The following LCTL variants were observed in gnomAD, a reference collection of about 807,000 sequenced individuals.
LCTL encodes lactase-like protein.
Under a neutral mutation model 75.8 loss-of-function variants are expected in LCTL, and 76 were observed. That is an observed-to-expected ratio of 1.00 (90% confidence interval 0.83 to 1.21). LCTL has a LOEUF of 1.21. Ranked by LOEUF, LCTL falls within the 50% of genes most tolerant of loss-of-function variation. The pLI is 0.00. For synonymous variants in LCTL, 271 were observed against 268.8 expected (o/e 1.01, Z -0.08); for missense variants, 670 against 712.4 (o/e 0.94, Z 0.68).
rs748321648 is a variant in LCTL at position 66,553,083 on chromosome 15, A to G, written c.1098T>C (p.Arg366=). 6.2e-6 allele frequency: 10 copies of G among 1,609,172 alleles called. No homozygotes were observed. The Admixed American group carries it at 1.7e-4, about 27-fold the overall frequency. Residue 366 remains arginine (R), a synonymous_variant, in exon 9 of 13, where the codon CGT becomes CGC. Coordinates refer to ENST00000341509, the Ensembl canonical transcript of LCTL. Reference sequence around the variant, plus strand: ...TTGGGTCAACCAGCTCTATCAAGTCACGATCGTTCTGGTAGCTGGGCCCCT... The same window carrying G: ...TTGGGTCAACCAGCTCTATCAAGTCGCGATCGTTCTGGTAGCTGGGCCCCT...
chr15:66,563,864 G>T, intron 3 of LCTL, 47 bp downstream of exon 4: 1 of 1,463,472 alleles, frequency 6.8e-7, no homozygotes, highest in Non-Finnish European at 9.6e-7. Context: ...AGCCAACATT[G>T]CCGGAAGGGG....
intron 2 of LCTL, 45 bp from the exon 4 acceptor site, chr15:66,564,043 A>G (rs376638868): frequency 9.1e-6 from 12 of 1,319,910 alleles, no homozygotes; most frequent in Non-Finnish European, 9.9e-6. Context: ...GGCCCTGGGT[A>G]TGGGAGGTAG....
chr15:66,553,146 A>C, exon 9 of LCTL: 1 of 1,611,970 alleles, frequency 6.2e-7, no homozygotes, highest in Non-Finnish European at 8.5e-7. Context: ...TGTACCGAGT[A>C]GTAAAATGAC....
intron 6 of LCTL, among the ~76,000 whole-genome samples, chr15:66,559,800 C>T (rs951278374): frequency 6.6e-6 from 1 of 152,140 alleles, no homozygotes; most frequent in African/African-American, 2.4e-5. Flanking sequence ...TTAAAAATAT[C>T]TTGAGGCGGG....
chr15:66,552,163 A>G (rs746309015), exon 10 of LCTL: 2 of 1,609,766 alleles, frequency 1.2e-6, no homozygotes, highest in Non-Finnish European at 1.7e-6. Flanking sequence ...GGATCACCGT[A>G]TTGAGTCTGA....
exon 8 of LCTL, chr15:66,557,725 T>C: frequency 6.2e-7 from 1 of 1,613,906 alleles, no homozygotes; most frequent in Non-Finnish European, 8.5e-7. Context: ...GGCTCACCAA[T>C]GTAGTCCTTC....
chr15:66,552,689 A>AAAC, intron 9 of LCTL, among the ~76,000 whole-genome samples: 1 of 139,180 alleles, frequency 7.2e-6, no homozygotes, highest in African/African-American at 2.5e-5. Flanking sequence ...AAAAAAAAAA[A>AAAC]CATTGTTGGA....
chr15:66,558,087 C>T (rs527481168), intron 6 of LCTL, 51 bp from the exon 8 acceptor site: 1 of 1,495,548 alleles, frequency 6.7e-7, no homozygotes, highest in African/African-American at 1.4e-5. Context: ...TCCATTTCCT[C>T]CCTTTCAATC....
At chr15:66,561,229 A>G in exon 5 of LCTL, 1 of 1,614,248 alleles carries the variant, frequency 6.2e-7, no homozygotes. Flanking sequence ...CACGGTCCCC[A>G]AAGGCCTCAA....
chr15:66,558,922 C>G (rs1895812769), intron 6 of LCTL, among the ~76,000 whole-genome samples: 1 of 151,708 alleles, frequency 6.6e-6, no homozygotes, highest in Non-Finnish European at 1.5e-5. Flanking sequence ...TCTCGAACTC[C>G]AGACCTCAAG....
chr15:66,561,175 G>C lies in LCTL; in HGVS notation c.609+12C>G, dbSNP rs1273904334. ...AGTGTCACATTCTCCCACCTGGAGGGGCCCTGCTTACCCGAGGATCACTGA... is the reference window on the plus strand; with the variant it reads ...AGTGTCACATTCTCCCACCTGGAGGCGCCCTGCTTACCCGAGGATCACTGA... On this transcript the variant is annotated intron_variant, in intron 5 of 12. Coordinates refer to ENST00000341509, the Ensembl canonical transcript of LCTL. 1 of 1,614,042 alleles carries C rather than the reference G, an allele frequency of 6.2e-7. No individual in the cohort carries two copies. The highest frequency in any genetic ancestry group is 8.5e-7 in the Non-Finnish European group (1 of 1,180,018).
chr15:66,563,944 A>G (rs1293668511), exon 3 of LCTL: 1 of 1,614,146 alleles, frequency 6.2e-7, no homozygotes, highest in East Asian at 2.2e-5. Context: ...CGGGGCCAAG[A>G]CAGGGAGAAT....
intron 8 of LCTL, among the ~76,000 whole-genome samples, chr15:66,553,754 C>CA (rs35718768): frequency 0.053 from 3,831 of 72,836 alleles, 139 homozygotes; most frequent in East Asian, 0.13. Context: ...GACTCCATCT[C>CA]AAAAAAAAAA....
chr15:66,554,040 C>G (rs759210663), intron 8 of LCTL, among the ~76,000 whole-genome samples: 8 of 152,024 alleles, frequency 5.3e-5, no homozygotes, highest in Non-Finnish European at 8.8e-5. Flanking sequence ...ACCTGTAATT[C>G]CAGCACTTTG....
rs374950522 is a variant in LCTL, at chr15:66,557,889, A to C, written c.761-6T>G. 8.7e-6 allele frequency: 14 copies of C among 1,613,220 alleles called. No individual in the cohort carries two copies. In the African/African-American group the frequency reaches 1.9e-4, roughly 22 times the overall value. On this transcript the variant is annotated splice_region_variant and splice_polypyrimidine_tract_variant and intron_variant, in intron 7 of 12. Coordinates refer to ENST00000341509, the Ensembl canonical transcript of LCTL. ...CAATGAAATTCCCACCAGACCTTAA[A>C]AGAAAAGAAAGAAAAGGGAGTGGGG...
intron 4 of LCTL, among the ~76,000 whole-genome samples, chr15:66,562,453 A>G (rs923291198): frequency 6.6e-6 from 1 of 152,046 alleles, no homozygotes; most frequent in Non-Finnish European, 1.5e-5. Flanking sequence ...TCACAGTGAC[A>G]TAGTGACGTT....
intron 6 of LCTL, among the ~76,000 whole-genome samples, chr15:66,559,959 C>T (rs1299779080): frequency 1.3e-5 from 2 of 150,982 alleles, no homozygotes; most frequent in African/African-American, 2.4e-5. Context: ...TGGTGGTGCA[C>T]GCCTGTAGTC....
intron 8 of LCTL, 131 bp from the exon 10 acceptor site, chr15:66,553,389 C>T (rs1895660651): frequency 2.8e-6 from 2 of 710,844 alleles, no homozygotes; most frequent in African/African-American, 1.8e-5. Flanking sequence ...GAAGTATAAC[C>T]TTAGCCATCC....
chr15:66,551,820 AC>A lies in LCTL; in HGVS notation c.1365del (p.Trp455CysfsTer79). On this transcript the variant is annotated frameshift_variant, in exon 11 of 13. Coordinates refer to ENST00000341509, the Ensembl canonical transcript of LCTL. LOFTEE classifies it high-confidence loss of function. ...TCCCATTCAAACTTATCCAACAGAG[AC>A]CAGGAAGTATACCCCTTTATATTAG... 2 of 1,613,894 alleles carry A rather than the reference AC, an allele frequency of 1.2e-6. No homozygotes were observed. Among genetic ancestry groups the A allele is most frequent in the Non-Finnish European group, 1.7e-6 (2 of 1,179,826 alleles).
Sources: allele counts gnomAD v4.1 joint callset (sites outside exome capture counted in the v4.1 genomes callset), GRCh38; gene constraint gnomAD v4.1.1; transcripts MANE v1.5; gene names NCBI Gene and HGNC (gene_info 2026-07-23, HGNC 2026-07-21).